Variants in SATB2 observed in about 807,000 individuals in gnomAD.
SATB2 encodes DNA-binding protein SATB2.
Under a neutral mutation model 73.4 loss-of-function variants are expected in SATB2, and 1 was observed. The observed-to-expected ratio is 0.01, with a 90% CI of 0.00 to 0.06. The LOEUF is 0.06. Ranked by LOEUF, SATB2 falls within the 10% of genes least tolerant of loss-of-function variation. The probability of loss-of-function intolerance (pLI) is 1.00; values close to 1 mark genes in which losing one functional copy is unlikely to be tolerated. For synonymous variants in SATB2, 397 were observed against 367.0 expected (o/e 1.08, Z -0.93); for missense variants, 459 against 945.8 (o/e 0.49, Z 6.75).
chr2:199,420,990 T>C (rs1326864266), intron 3 of SATB2, among the ~76,000 whole-genome samples: 1 of 152,118 alleles, frequency 6.6e-6, no homozygotes, highest in Non-Finnish European at 1.5e-5. Context: ...AGGCAAATAC[T>C]TACTGAAAAC....
At chr2:199,347,262 G>T (rs1417674307) in intron 7 of SATB2, 2 of 152,122 alleles carry the variant, frequency 1.3e-5, no homozygotes, top group Non-Finnish European at 2.9e-5. Flanking sequence ...TCTTTCATTT[G>T]TAAGGTCCAT....
At chr2:199,356,225 C>CAAAAAAAAAAAAACAA (rs1688979029) in intron 6 of SATB2, among the ~76,000 whole-genome samples, 1 of 100,980 alleles carries the variant, frequency 9.9e-6, no homozygotes, top group Admixed American at 1.1e-4. Flanking sequence ...GAACATAAGC[C>CAAAAAAAAAAAAACAA]AAAAAAAAAA....
chr2:199,323,506 C>CAT (rs757792732), intron 9 of SATB2, among the ~76,000 whole-genome samples: 362 of 134,680 alleles, frequency 2.7e-3, no homozygotes, highest in African/African-American at 9.5e-3. Flanking sequence ...CACACACACA[C>CAT]ACATATATAA....
intron 4 of SATB2, among the ~76,000 whole-genome samples, chr2:199,381,165 C>G (rs1182747283): frequency 6.7e-6 from 1 of 149,642 alleles, no homozygotes; most frequent in Non-Finnish European, 1.5e-5. Context: ...AAATCATCCC[C>G]AGAATCTCTG....
At chr2:199,288,724 A>C (rs961831394) in intron 10 of SATB2, among the ~76,000 whole-genome samples, 2 of 152,246 alleles carry the variant, frequency 1.3e-5, no homozygotes, top group African/African-American at 4.8e-5. Flanking sequence ...TTTTATAGAA[A>C]GTAAATCTTA....
At chr2:199,437,986 A>G (rs1042958574) in intron 2 of SATB2, among the ~76,000 whole-genome samples, 7 of 152,218 alleles carry the variant, frequency 4.6e-5, no homozygotes, top group Non-Finnish European at 8.8e-5. Flanking sequence ...CAGTAAAACT[A>G]CCTGTCCATC....
chr2:199,295,291 A>G (rs1692995970), intron 10 of SATB2, among the ~76,000 whole-genome samples: 1 of 152,142 alleles, frequency 6.6e-6, no homozygotes, highest in Non-Finnish European at 1.5e-5. Flanking sequence ...CTTTCATACA[A>G]TTGTTTTCAG....
At chr2:199,418,386 G>A (rs186950977) in intron 3 of SATB2, among the ~76,000 whole-genome samples, 2 of 152,242 alleles carry the variant, frequency 1.3e-5, no homozygotes, top group South Asian at 2.1e-4. Context: ...CGAAGTCATC[G>A]TGATCAATTG....
At chr2:199,310,883 T>G (rs1687576364) in intron 9 of SATB2, among the ~76,000 whole-genome samples, 1 of 152,164 alleles carries the variant, frequency 6.6e-6, no homozygotes. Flanking sequence ...GACAGCTGAG[T>G]GGTATCTCCA....
At chr2:199,312,363 G>A (rs1340793962) in intron 9 of SATB2, among the ~76,000 whole-genome samples, 1 of 152,182 alleles carries the variant, frequency 6.6e-6, no homozygotes, top group Non-Finnish European at 1.5e-5. Flanking sequence ...CTGGTTTTAA[G>A]TTTTGACCAA....
At chr2:199,331,929 G>A (rs1477779032) in intron 7 of SATB2, among the ~76,000 whole-genome samples, 2 of 152,060 alleles carry the variant, frequency 1.3e-5, no homozygotes, top group Admixed American at 6.6e-5. Flanking sequence ...TTGCCACTAT[G>A]TCATCTGGCA....
intron 10 of SATB2, among the ~76,000 whole-genome samples, chr2:199,292,836 A>T (rs778196917): frequency 1.3e-5 from 2 of 152,194 alleles, no homozygotes; most frequent in Non-Finnish European, 2.9e-5. Flanking sequence ...GATTGTATTA[A>T]TGATGGTACA....
intron 10 of SATB2, among the ~76,000 whole-genome samples, chr2:199,286,209 G>A (rs750170398): frequency 3.9e-5 from 6 of 151,944 alleles, no homozygotes; most frequent in Non-Finnish European, 7.4e-5. Flanking sequence ...TGAAGAGGTA[G>A]GTGGCTGAGT....
intron 8 of SATB2, among the ~76,000 whole-genome samples, chr2:199,324,625 G>A (rs1005608607): frequency 3.9e-5 from 6 of 152,076 alleles, no homozygotes; most frequent in African/African-American, 1.4e-4. Flanking sequence ...TGCAGTGCTC[G>A]TTTTAATTGA....
chr2:199,407,233 C>A (rs1426566813), intron 3 of SATB2, among the ~76,000 whole-genome samples: 1 of 139,352 alleles, frequency 7.2e-6, no homozygotes, highest in Non-Finnish European at 1.5e-5. Flanking sequence ...TTGCAGTGAA[C>A]TGAAATGGCA....
At chr2:199,303,291 A>G (rs931889771) in intron 10 of SATB2, among the ~76,000 whole-genome samples, 41 of 152,278 alleles carry the variant, frequency 2.7e-4, no homozygotes, top group African/African-American at 9.4e-4. Flanking sequence ...ACTGAAGAAG[A>G]TAAGACATGT....
chr2:199,381,429 G>A (rs1559017538), intron 4 of SATB2, among the ~76,000 whole-genome samples: 1 of 152,154 alleles, frequency 6.6e-6, no homozygotes, highest in Non-Finnish European at 1.5e-5. Context: ...AAGGGCTATA[G>A]ATTTTTAATG....
upstream of SATB2, among the ~76,000 whole-genome samples, chr2:199,462,133 C>G (rs917282530): frequency 6.6e-6 from 1 of 152,306 alleles, no homozygotes; most frequent in Middle Eastern, 3.4e-3. The surrounding 1 kb of genome is among the most constrained non-coding windows in gnomAD (Gnocchi z 5.9). Context: ...TGGAAAGTTG[C>G]GCCGCGTTTT....
intron 10 of SATB2, among the ~76,000 whole-genome samples, chr2:199,290,041 A>ACCTCACTGCAG (rs1204708549): frequency 2.0e-5 from 3 of 152,100 alleles, no homozygotes; most frequent in Non-Finnish European, 4.4e-5. Context: ...AGGCCCCGTA[A>ACCTCACTGCAG]CCTCACTGCA....
Sources: allele counts gnomAD v4.1 joint callset (sites outside exome capture counted in the v4.1 genomes callset), GRCh38; gene constraint gnomAD v4.1.1; non-coding constraint Gnocchi (gnomAD v3.1); transcripts MANE v1.5; gene names NCBI Gene and HGNC (gene_info 2026-07-23, HGNC 2026-07-21).